Variants in CNTNAP2 observed in about 807,000 individuals in gnomAD.
CNTNAP2 encodes contactin associated protein 2.
CNTNAP2 carries 98 observed loss-of-function variants against 155.2 expected under a neutral mutation model. That is an observed-to-expected ratio of 0.63 (90% CI 0.54 to 0.75). The LOEUF (loss-of-function observed/expected upper bound fraction) is 0.75. CNTNAP2 is among the 30% of genes least tolerant of loss of function. The pLI is 0.00. For synonymous variants in CNTNAP2, 651 were observed against 631.2 expected, an observed-to-expected ratio of 1.03 and a Z score of -0.47; for missense variants, 1,727 against 1,688.1, an observed-to-expected ratio of 1.02 and a Z score of -0.40.
At chr7:146,518,950 T>C (rs968808923) in intron 1 of CNTNAP2, among the ~76,000 whole-genome samples, 2 of 151,980 alleles carry the variant, frequency 1.3e-5, no homozygotes, top group Admixed American at 6.6e-5. Context: ...TTTAACTTCG[T>C]GGCCACACAG....
intron 1 of CNTNAP2, among the ~76,000 whole-genome samples, chr7:146,417,797 T>C (rs568175215): frequency 2.6e-4 from 40 of 152,290 alleles, no homozygotes; most frequent in African/African-American, 9.6e-4. Flanking sequence ...ACTATGTAGT[T>C]ATTAATTAGG....
At chr7:147,081,419 T>C (rs1325150974) in intron 4 of CNTNAP2, 2 of 121,758 alleles carry the variant, frequency 1.6e-5, no homozygotes, top group East Asian at 4.8e-4. Context: ...AAGAGATTCT[T>C]TTTTTTTTTT....
chr7:147,426,406 T>C (rs1001476552), intron 10 of CNTNAP2, among the ~76,000 whole-genome samples: 1 of 152,166 alleles, frequency 6.6e-6, no homozygotes, highest in Non-Finnish European at 1.5e-5. Context: ...TATAAAACTC[T>C]TGAACATGAC....
At chr7:146,171,752 G>GTATCATAAAACATATATAAAACA (rs1798394433) in intron 1 of CNTNAP2, among the ~76,000 whole-genome samples, 1 of 151,880 alleles carries the variant, frequency 6.6e-6, no homozygotes, top group Non-Finnish European at 1.5e-5. Context: ...TATATAATGT[G>GTATCATAAAACATATATAAAACA]TAAATTTAAT....
At chr7:147,530,229 A>G (rs1799407911) in intron 11 of CNTNAP2, among the ~76,000 whole-genome samples, 1 of 140,768 alleles carries the variant, frequency 7.1e-6, no homozygotes, top group African/African-American at 2.7e-5. Flanking sequence ...TTTGCTGCCC[A>G]GGCTGGAGTG....
chr7:146,517,130 C>T (rs1475772692), intron 1 of CNTNAP2, among the ~76,000 whole-genome samples: 1 of 151,974 alleles, frequency 6.6e-6, no homozygotes, highest in African/African-American at 2.4e-5. Context: ...CATAAATCAT[C>T]CCTTTGTTCA....
chr7:147,756,558 T>C (rs1180500877), intron 13 of CNTNAP2, among the ~76,000 whole-genome samples: 2 of 152,122 alleles, frequency 1.3e-5, no homozygotes, highest in Non-Finnish European at 2.9e-5. Flanking sequence ...CTAAGGACAT[T>C]GAAAAAAAGC....
At chr7:148,042,123 T>C (rs1802689326) in intron 15 of CNTNAP2, among the ~76,000 whole-genome samples, 2 of 152,160 alleles carry the variant, frequency 1.3e-5, no homozygotes, top group Middle Eastern at 3.2e-3. Flanking sequence ...TCTTTTACAA[T>C]TGTGATTAAA....
intron 13 of CNTNAP2, among the ~76,000 whole-genome samples, chr7:147,716,378 C>A (rs555779032): frequency 6.6e-6 from 1 of 151,988 alleles, no homozygotes; most frequent in East Asian, 1.9e-4. Context: ...ATGCCAGGGG[C>A]TTTATAGGTG....
intron 1 of CNTNAP2, among the ~76,000 whole-genome samples, chr7:146,222,861 A>T (rs986964806): frequency 6.6e-6 from 1 of 151,634 alleles, no homozygotes; most frequent in Non-Finnish European, 1.5e-5. Context: ...GGGTTTTACC[A>T]TGTTAGCCAG....
At chr7:148,137,681 GAA>G (rs1804984942) in intron 16 of CNTNAP2, among the ~76,000 whole-genome samples, 1 of 93,106 alleles carries the variant, frequency 1.1e-5, no homozygotes, top group Non-Finnish European at 2.3e-5. Context: ...AGGAAGGAAG[GAA>G]GGAAGGAAGG....
chr7:148,381,068 G>A (rs1449779561), intron 21 of CNTNAP2, among the ~76,000 whole-genome samples: 2 of 152,368 alleles, frequency 1.3e-5, no homozygotes, highest in East Asian at 3.9e-4. Context: ...GGGTGAGTGG[G>A]TGCAGGAGCC....
chr7:148,115,549 C>T (rs549036908), intron 15 of CNTNAP2, among the ~76,000 whole-genome samples: 1 of 152,242 alleles, frequency 6.6e-6, no homozygotes, highest in South Asian at 2.1e-4. Flanking sequence ...ATCCTTCTGG[C>T]CCTGGGCCTC....
intron 14 of CNTNAP2, among the ~76,000 whole-genome samples, chr7:147,948,949 C>T (rs1478206826): frequency 6.6e-6 from 1 of 151,952 alleles, no homozygotes; most frequent in Non-Finnish European, 1.5e-5. Flanking sequence ...CACCTGTAAT[C>T]CCAGCACTTT....
intron 1 of CNTNAP2, among the ~76,000 whole-genome samples, chr7:146,230,968 T>G (rs1324356284): frequency 6.6e-6 from 1 of 151,454 alleles, no homozygotes; most frequent in Non-Finnish European, 1.5e-5. Context: ...TGAGCTGAGA[T>G]CGTGCCACTG....
At chr7:148,171,466 T>C (rs915711552) in intron 17 of CNTNAP2, among the ~76,000 whole-genome samples, 1 of 152,204 alleles carries the variant, frequency 6.6e-6, no homozygotes, top group Non-Finnish European at 1.5e-5. Context: ...ATTAAATCCA[T>C]TTGTGATAGA....
intron 15 of CNTNAP2, among the ~76,000 whole-genome samples, chr7:147,989,155 C>T (rs1487919433): frequency 6.6e-6 from 1 of 152,184 alleles, no homozygotes; most frequent in African/African-American, 2.4e-5. Context: ...GATTCTGATT[C>T]AGGAAGTCTG....
chr7:146,167,141 G>A (rs1331905983), intron 1 of CNTNAP2, among the ~76,000 whole-genome samples: 2 of 152,154 alleles, frequency 1.3e-5, no homozygotes, highest in Non-Finnish European at 2.9e-5. Flanking sequence ...CAACCAACAA[G>A]TACTTTTCCT....
At chr7:146,322,382 G>A (rs554761637) in intron 1 of CNTNAP2, among the ~76,000 whole-genome samples, 30 of 152,134 alleles carry the variant, frequency 2.0e-4, no homozygotes, top group Non-Finnish European at 2.8e-4. Flanking sequence ...CATTAAAAAT[G>A]TGCATGATGT....
Sources: gnomAD v4.1 joint callset for allele counts (sites outside exome capture counted in the v4.1 genomes callset) on GRCh38, gnomAD v4.1.1 for gene constraint, MANE v1.5 for transcripts, NCBI Gene and HGNC (gene_info 2026-07-23, HGNC 2026-07-21) for gene names.